Variants in URB2 observed in about 807,000 individuals in gnomAD.
URB2 encodes unhealthy ribosome biogenesis protein 2 homolog.
A neutral mutation model predicts 120.9 loss-of-function variants in URB2; 86 were observed. The observed-to-expected ratio is 0.71, with a 90% CI of 0.60 to 0.85. URB2 has a LOEUF of 0.85. Ranked by LOEUF, URB2 falls within the 40% of genes least tolerant of loss-of-function variation. URB2 has a pLI of 0.00. For missense variants in URB2, 1,765 were observed against 1,836.5 expected, an observed-to-expected ratio of 0.96 and a Z score of 0.71; for synonymous variants, 755 against 758.4, an observed-to-expected ratio of 1.00 and a Z score of 0.07.
intron 5 of URB2, among the ~76,000 whole-genome samples, chr1:229,644,528 G>A (rs1412441368): frequency 1.3e-5 from 2 of 152,220 alleles, no homozygotes; most frequent in Non-Finnish European, 2.9e-5. Flanking sequence ...CGTGCACCGT[G>A]CAGGCAGCGT....
chr1:229,653,053 A>C (rs1460781615), intron 8 of URB2, among the ~76,000 whole-genome samples: 1 of 152,236 alleles, frequency 6.6e-6, no homozygotes, highest in African/African-American at 2.4e-5. Flanking sequence ...AACAAGTGCT[A>C]TGTATTCATG....
rs886267477 is a variant in URB2, at chr1:229,635,228, C to T, written c.615C>T (p.Cys205=). ...TGACTGCTCACCTGCTCCAGCCGTG[C>T]CTGGTCCTGAGGCACTTACTCTCTG... The part of the protein sequence containing the change: ...GDVTAHLLQP[C]LVLRHLLSGG... The change falls in exon 4 of 10, where the codon TGC becomes TGT. Residue 205 remains cysteine, a synonymous_variant. Transcript: ENST00000258243. 5 of 1,614,114 alleles carry T rather than the reference C, an allele frequency of 3.1e-6. No homozygotes were observed. In the Admixed American group the frequency reaches 8.3e-5, roughly 27 times the overall value.
chr1:229,637,081 T>C lies in URB2; in HGVS notation c.2468T>C (p.Leu823Pro), dbSNP rs765615188. 1.9e-6 allele frequency: 3 copies of C among 1,613,898 alleles called. No homozygotes were observed. The highest frequency in any genetic ancestry group is 2.5e-6 in the Non-Finnish European group (3 of 1,179,912). ...TCVTTSCSSI[L>P]CSGAQRDSGL... Reference sequence around the variant, plus strand: ...GTAACCACAAGTTGCTCCAGCATTCTGTGTTCTGGTGCCCAGCGTGACTCA... The same window carrying C: ...GTAACCACAAGTTGCTCCAGCATTCCGTGTTCTGGTGCCCAGCGTGACTCA... Residue 823 changes from leucine to proline, a missense_variant, in exon 4 of 10, where the codon CTG (leucine) becomes CCG (proline). Leu to Pro is a moderately conservative substitution (Grantham distance 98, BLOSUM62 -3). Coordinates refer to ENST00000258243, the MANE Select transcript of URB2 (RefSeq NM_014777.4).
Position 229,637,994 on chromosome 1 carries a change from C to T in URB2, c.3381C>T (p.Asp1127=). 1.2e-6 allele frequency: 2 copies of T among 1,613,456 alleles called. No individual in the cohort carries two copies. The highest frequency in any genetic ancestry group is 1.1e-5 in the South Asian group (1 of 90,974). The change falls in exon 4 of 10, where the codon GAC becomes GAT. Residue 1127 remains aspartate, a synonymous_variant. Transcript: ENST00000258243. The part of the protein sequence containing the change: ...ISSVSTLLEA[D]LGQHCRDGGA... ...CCGTCAGCACGCTCTTGGAAGCCGA[C>T]CTGGGTCAGCACTGCAGGGATGGAG...
chr1:229,655,821 A>G (rs1666394264), intron 9 of URB2, among the ~76,000 whole-genome samples: 1 of 152,240 alleles, frequency 6.6e-6, no homozygotes, highest in Admixed American at 6.5e-5. Flanking sequence ...TAAGCTTGTT[A>G]GGGTAGAGGT....
intron 7 of URB2, among the ~76,000 whole-genome samples, chr1:229,649,711 G>C (rs1200112613): frequency 6.6e-5 from 10 of 152,160 alleles, no homozygotes; most frequent in African/African-American, 2.4e-4. Flanking sequence ...CATCTAAAGG[G>C]TATGGTAAGA....
rs200334513 is a variant in URB2 at position 229,638,213 on chromosome 1, C to T, written c.3600C>T (p.Thr1200=). ...ATCCCAAAAAGGACTCCGTGTTTAC[C>T]TCCATGTTTCATTCTGTGAGAAGAG... ...ELHPKKDSVF[T]SMFHSVRRVL... The change falls in exon 4 of 10, where the codon ACC becomes ACT. Residue 1200 remains threonine (T), a synonymous_variant. Transcript: ENST00000258243. The T allele has an allele frequency of 2.2e-5, 36 of 1,609,974 alleles. No homozygotes were observed. Among genetic ancestry groups the T allele is most frequent in the Non-Finnish European group, 2.8e-5 (33 of 1,178,058 alleles).
In URB2 at chr1:229,643,594, C is replaced by G. The variant is rs1452501704; in HGVS notation, c.3696C>G (p.Thr1232=). Residue 1232 remains threonine, a synonymous_variant, in exon 5 of 10, where the codon ACC becomes ACG. Coordinates refer to ENST00000258243, the MANE Select transcript of URB2 (RefSeq NM_014777.4). The stretch of plus-strand genomic sequence containing the variant: ...AGCCTCATTTGGGAGCCTTGTTCAC[C>G]CAAATGTTAGAGGTTGGGACGACAG... ...DIEPHLGALF[T]QMLEVGTTED... is the part of the protein sequence containing the mutation. 1.9e-6 allele frequency: 3 copies of G among 1,614,074 alleles called. No individual in the cohort carries two copies. Among genetic ancestry groups the G allele is most frequent in the African/African-American group, 1.3e-5 (1 of 74,926 alleles).
At chr1:229,628,886 CGT>C (rs1665595925) in intron 2 of URB2, among the ~76,000 whole-genome samples, 1 of 152,172 alleles carries the variant, frequency 6.6e-6, no homozygotes, top group Non-Finnish European at 1.5e-5. Context: ...GCGATGATGA[CGT>C]GTGGTGTGGA....
chr1:229,638,126 T>C lies in URB2; in HGVS notation c.3513T>C (p.His1171=), dbSNP rs1665902324. 3 of 1,614,240 alleles carry C rather than the reference T, an allele frequency of 1.9e-6. No individual in the cohort carries two copies. Among genetic ancestry groups the C allele is most frequent in the South Asian group, 1.1e-5 (1 of 91,092 alleles). Residue 1171 remains histidine (H), a synonymous_variant, in exon 4 of 10, where the codon CAT becomes CAC. Coordinates refer to ENST00000258243, the MANE Select transcript of URB2 (RefSeq NM_014777.4). ...TGGAGTTGCCAGCTCTCGCGGGACA[T>C]GATCAGTCTTTTCAGGCAGCCTTGC... ...ILLELPALAG[H]DQSFQAALQF...
chr1:229,630,550 A>G (rs1331367151), intron 2 of URB2, among the ~76,000 whole-genome samples: 2 of 152,206 alleles, frequency 1.3e-5, no homozygotes, highest in East Asian at 3.8e-4. Flanking sequence ...GATTTAGCAT[A>G]ATTCTTAAGG....
At position 229,651,301 on chromosome 1, in the gene URB2, G is replaced by T; in HGVS notation, c.4216G>T (p.Glu1406Ter). The T allele has an allele frequency of 6.2e-7, 1 of 1,612,284 alleles. No homozygotes were observed. The highest frequency in any genetic ancestry group is 8.5e-7 in the Non-Finnish European group (1 of 1,179,186). Residue 1406 changes from glutamate to a stop codon, truncating the protein, a stop_gained, in exon 8 of 10, where the codon GAA becomes TAA. Transcript: ENST00000258243. LOFTEE classifies it high-confidence loss of function. The part of the protein sequence containing the change: ...FNRLVFSVMR[E>*]GRQKDKGSID... ...TAGATTGGTGTTTTCAGTTATGCGGGAAGGGCGGCAGAAGGACAAAGGTAA... is the reference window on the plus strand; with the variant it reads ...TAGATTGGTGTTTTCAGTTATGCGGTAAGGGCGGCAGAAGGACAAAGGTAA...
At chr1:229,657,802 C>A (rs138952985) in intron 9 of URB2, among the ~76,000 whole-genome samples, 73 of 152,304 alleles carry the variant, frequency 4.8e-4, no homozygotes, top group African/African-American at 1.7e-3. Context: ...AGAGTAGCAT[C>A]GTCTGAGAGA....
In URB2 at chr1:229,636,380, C is replaced by T. The variant is rs767733006; in HGVS notation, c.1767C>T (p.Asp589=). 1.2e-6 allele frequency: 2 copies of T among 1,614,220 alleles called. No individual in the cohort carries two copies. The highest frequency in any genetic ancestry group is 1.1e-5 in the South Asian group (1 of 91,076). ...AGCCCCTGCTGGCCCTTCTCCCGGA[C>T]ACCCCAGGCCCAGAGCCAGAGCTGT... ...LVQPLLALLP[D]TPGPEPELWL... Residue 589 remains aspartate, a synonymous_variant, in exon 4 of 10, where the codon GAC becomes GAT. Transcript: ENST00000258243.
rs1360587954 is a variant in URB2 at position 229,637,582 on chromosome 1, A to G, written c.2969A>G (p.Asp990Gly). Residue 990 changes from aspartate (D) to glycine (G), a missense_variant, in exon 4 of 10, where the codon GAT (aspartate) becomes GGT (glycine). Physicochemically the swap from Asp to Gly is moderately conservative, Grantham distance 94. Coordinates refer to ENST00000258243, the MANE Select transcript of URB2 (RefSeq NM_014777.4). ...RASSRFLIEM[D>G]DPAWLEFLQV... ...AGTAGTAGGTTCCTTATTGAGATGG[A>G]TGATCCCGCTTGGCTGGAATTCCTC... is the stretch of plus-strand genomic sequence containing the variant. 4 of 1,614,072 alleles carry G rather than the reference A, an allele frequency of 2.5e-6. No individual in the cohort carries two copies. Among genetic ancestry groups the G allele is most frequent in the Non-Finnish European group, 1.7e-6 (2 of 1,180,022 alleles).
At chr1:229,657,571 C>T (rs116274463) in intron 9 of URB2, among the ~76,000 whole-genome samples, 2,057 of 152,304 alleles carry the variant, frequency 0.014, 35 homozygotes, top group Admixed American at 0.047. Context: ...ACTTACAAAG[C>T]CCTCACCCTG....
intron 7 of URB2, 140 bp downstream of exon 7, chr1:229,647,892 AG>A: frequency 7.2e-7 from 1 of 1,380,974 alleles, no homozygotes; most frequent in Non-Finnish European, 9.5e-7. Flanking sequence ...TTTCTGTTCT[AG>A]TAAATTTCAG....
At chr1:229,638,341 T>C in intron 4 of URB2, 94 bp downstream of exon 4, 1 of 1,390,828 alleles carries the variant, frequency 7.2e-7, no homozygotes, top group Non-Finnish European at 9.7e-7. Context: ...ACACGTGATG[T>C]GTTCAAAAGG....
intron 4 of URB2, 115 bp downstream of exon 4, chr1:229,638,362 G>A (rs550814932): frequency 1.6e-6 from 2 of 1,223,812 alleles, no homozygotes; most frequent in African/African-American, 3.0e-5. Context: ...TACCACATGT[G>A]CGGCTGGGTG....
Sources: allele counts gnomAD v4.1 joint callset (sites outside exome capture counted in the v4.1 genomes callset), GRCh38; gene constraint gnomAD v4.1.1; transcripts MANE v1.5; gene names NCBI Gene and HGNC (gene_info 2026-07-23, HGNC 2026-07-21).